The following EHD4 variants were observed in gnomAD, a reference collection of about 807,000 sequenced individuals.
The protein encoded by EHD4 is EH domain containing 4, also known as EH domain-containing protein 4.
A neutral mutation model predicts 51.0 loss-of-function variants in EHD4; 37 were observed. That is an observed-to-expected ratio of 0.73 (90% CI 0.56 to 0.95). The LOEUF (loss-of-function observed/expected upper bound fraction) is 0.95. EHD4 is among the 40% of genes least tolerant of loss of function. The pLI is 0.00. For missense variants in EHD4, 632 were observed against 733.1 expected (o/e 0.86, Z 1.59); for synonymous variants, 297 against 317.3 (o/e 0.94, Z 0.68).
chr15:41,911,959 C>T lies in EHD4; in HGVS notation c.925-2096G>A, dbSNP rs2067552784. ...GCCGCCCACCCCCCGAGGTTGGGCA[C>T]ACTGTTCCTGAACACTCCCTGGTGC... On this transcript the variant is annotated intron_variant, in intron 4 of 5. Coordinates refer to ENST00000220325, the MANE Select transcript of EHD4 (RefSeq NM_139265.4). Among the ~76,000 whole-genome samples the T allele has an allele frequency of 2.0e-5, 3 of 152,312 alleles. No individual in the cohort carries two copies. In the South Asian group the frequency reaches 6.2e-4, roughly 32 times the overall value.
At chr15:41,912,508 A>G (rs1056695700) in intron 4 of EHD4, among the ~76,000 whole-genome samples, 1 of 152,124 alleles carries the variant, frequency 6.6e-6, no homozygotes, top group South Asian at 2.1e-4. Flanking sequence ...TAGCCTGGCC[A>G]ATGTGGTGAA....
chr15:41,965,146 A>G (rs1216307697), intron 1 of EHD4, among the ~76,000 whole-genome samples: 1 of 152,210 alleles, frequency 6.6e-6, no homozygotes, highest in Non-Finnish European at 1.5e-5. Context: ...ACAAAGATTT[A>G]TGGCCAAAAA....
At chr15:41,949,951 G>A (rs956041058) in intron 2 of EHD4, among the ~76,000 whole-genome samples, 4 of 152,134 alleles carry the variant, frequency 2.6e-5, no homozygotes, top group African/African-American at 7.2e-5. Context: ...AGGGGCAACT[G>A]CCTCCTGATA....
At chr15:41,932,585 G>A (rs948323192) in intron 3 of EHD4, among the ~76,000 whole-genome samples, 3 of 152,176 alleles carry the variant, frequency 2.0e-5, no homozygotes, top group African/African-American at 4.8e-5. Flanking sequence ...CTGCATCAGG[G>A]CATGTGTGAG....
At chr15:41,914,040 A>ATGTGTGTG (rs5812208) in intron 4 of EHD4, among the ~76,000 whole-genome samples, 3 of 150,892 alleles carry the variant, frequency 2.0e-5, no homozygotes, top group Non-Finnish European at 3.0e-5. Context: ...GTGTCCAATG[A>ATGTGTGTG]TGTGTGTGTG....
At chr15:41,943,267 G>A in intron 2 of EHD4, 103 bp from the exon 3 acceptor site, 1 of 859,292 alleles carries the variant, frequency 1.2e-6, no homozygotes. Flanking sequence ...TCTGTAAAGT[G>A]GGGGCCTGAA....
chr15:41,958,955 C>T (rs1184003031), intron 1 of EHD4, among the ~76,000 whole-genome samples: 1 of 152,232 alleles, frequency 6.6e-6, no homozygotes, highest in Non-Finnish European at 1.5e-5. Flanking sequence ...GAGAGGCCGA[C>T]GGGTTCCACT....
chr15:41,921,859 A>G (rs1356936733), intron 3 of EHD4: 2 of 152,180 alleles, frequency 1.3e-5, no homozygotes, highest in African/African-American at 4.8e-5. Context: ...GCTGGGGCAT[A>G]AGCATGTGAT....
intron 3 of EHD4, among the ~76,000 whole-genome samples, chr15:41,934,124 C>T (rs577602631): frequency 3.3e-4 from 50 of 152,188 alleles, no homozygotes; most frequent in African/African-American, 1.1e-3. Context: ...AGGTTGGTTT[C>T]GGTAGGTTCT....
intron 3 of EHD4, among the ~76,000 whole-genome samples, chr15:41,927,407 C>A (rs550530650): frequency 6.6e-6 from 1 of 152,158 alleles, no homozygotes; most frequent in South Asian, 2.1e-4. Flanking sequence ...CATTGATGGA[C>A]GCTTTATGGC....
At position 41,919,554 on chromosome 15, in the gene EHD4, C is replaced by A; in HGVS notation, c.580G>T (p.Ala194Ser). The A allele has an allele frequency of 6.5e-7, 1 of 1,529,040 alleles. No homozygotes were observed. The highest frequency in any genetic ancestry group is 8.8e-7 in the Non-Finnish European group (1 of 1,141,208). The allele number at this position is 1,529,040 out of a possible 1,614,324, so 94.7% of individuals were successfully genotyped here. ...TCATCTGAGATGTCCAGCTTGTGAG[C>A]GTCAAAGAGCAGGATGATCCTGTCC... ...RVDRIILLFD[A>S]HKLDISDEFS... The change falls in exon 4 of 6, where the codon GCT becomes TCT. Residue 194 changes from alanine (A) to serine (S), a missense_variant. Ala to Ser is a moderately conservative substitution (Grantham distance 99). Transcript: ENST00000220325.
chr15:41,972,312 C>T lies in EHD4; in HGVS notation c.183G>A (p.Lys61=), dbSNP rs1198375269. Residue 61 remains lysine (K), a synonymous_variant, in exon 1 of 6, where the codon AAG becomes AAA. Transcript: ENST00000220325. ...ACTGGCCCACCAGCAGGATCATGGG[C>T]TTGTTCTCGAAGTCGGCGTCCTCCA... ...PALEDADFEN[K]PMILLVGQYS... is the part of the protein sequence containing the mutation. 3 of 1,611,144 alleles carry T rather than the reference C, an allele frequency of 1.9e-6. No homozygotes were observed. The highest frequency in any genetic ancestry group is 2.7e-5 in the African/African-American group (2 of 74,466).
chr15:41,946,337 C>T (rs926617796), intron 2 of EHD4, among the ~76,000 whole-genome samples: 3 of 152,120 alleles, frequency 2.0e-5, no homozygotes, highest in East Asian at 3.8e-4. Context: ...ATCCTCTCCA[C>T]GTCTAAGGAA....
chr15:41,935,335 G>T (rs1235194480), intron 3 of EHD4, among the ~76,000 whole-genome samples: 1 of 152,124 alleles, frequency 6.6e-6, no homozygotes, highest in Non-Finnish European at 1.5e-5. Flanking sequence ...TCTCACTGTT[G>T]CTGTGAAACC....
rs776908995 is a variant in EHD4, at chr15:41,943,165, C to A, written c.414-1G>T. On this transcript the variant is annotated splice_acceptor_variant, in intron 2 of 5. Coordinates refer to ENST00000220325, the MANE Select transcript of EHD4 (RefSeq NM_139265.4). LOFTEE classifies it high-confidence loss of function. ...ATTGGGGAGCTGTGAGCACATGAAT[C>A]TGGAAGAGACGGATCAAAGGAGGGG... is the stretch of plus-strand genomic sequence containing the variant. 2 of 1,578,666 alleles carry A rather than the reference C, an allele frequency of 1.3e-6. No homozygotes were observed. The highest frequency in any genetic ancestry group is 1.7e-6 in the Non-Finnish European group (2 of 1,161,424).
chr15:41,902,831 A>G (rs2067486702), intron 5 of EHD4, among the ~76,000 whole-genome samples: 1 of 107,368 alleles, frequency 9.3e-6, no homozygotes, highest in Non-Finnish European at 2.1e-5. Flanking sequence ...ATGTATATAT[A>G]TACATATGTA....
intron 1 of EHD4, among the ~76,000 whole-genome samples, chr15:41,967,901 C>T (rs1235092955): frequency 1.3e-5 from 2 of 152,210 alleles, no homozygotes; most frequent in African/African-American, 4.8e-5. Flanking sequence ...TGTGTCCGGC[C>T]AGAGATTTCC....
intron 1 of EHD4, among the ~76,000 whole-genome samples, chr15:41,971,425 G>T (rs1242061839): frequency 6.6e-6 from 1 of 152,206 alleles, no homozygotes; most frequent in Non-Finnish European, 1.5e-5. Flanking sequence ...TAAAACAGGT[G>T]ATCAACAAAG....
chr15:41,943,105 G>C lies in EHD4; in HGVS notation c.473C>G (p.Pro158Arg). The stretch of plus-strand genomic sequence containing the variant: ...CTGCTTCTCCCCAGAAAGGATGCCG[G>C]GGCTGTCGATGACGCTGATGCTCTT... Reference protein sequence around the residue: ...VLKSISVIDSPGILSGEKQRI... With the variant: ...VLKSISVIDSRGILSGEKQRI... The change falls in exon 3 of 6, where the codon CCC becomes CGC. Residue 158 changes from proline to arginine, a missense_variant. By Grantham distance (103) the Pro-to-Arg change is moderately radical. Transcript: ENST00000220325. The C allele has an allele frequency of 6.3e-7, 1 of 1,591,264 alleles. No homozygotes were observed. Among genetic ancestry groups the C allele is most frequent in the South Asian group, 1.1e-5 (1 of 87,018 alleles).
Sources: allele counts gnomAD v4.1 joint callset (sites outside exome capture counted in the v4.1 genomes callset), GRCh38; gene constraint gnomAD v4.1.1; transcripts MANE v1.5; gene names NCBI Gene and HGNC (gene_info 2026-07-23, HGNC 2026-07-21).